DCC: variants seen among roughly 807,000 people sequenced by gnomAD.
The protein encoded by DCC is netrin receptor DCC.
In DCC, 58 loss-of-function variants were observed where a neutral mutation model predicts 172.5. The observed-to-expected ratio is 0.34, with a 90% CI of 0.27 to 0.42. The LOEUF (loss-of-function observed/expected upper bound fraction) is 0.42. Among genes scored for constraint, DCC ranks in the 10% least tolerant of loss-of-function variants. DCC has a pLI of 1.00. For synonymous variants in DCC, 709 were observed against 644.5 expected (o/e 1.10, Z -1.52); for missense variants, 1,740 against 1,791.0 (o/e 0.97, Z 0.51).
At chr18:52,404,655 GTTTTCTTTTTTT>G (rs1272827318) in intron 1 of DCC, among the ~76,000 whole-genome samples, 2 of 142,092 alleles carry the variant, frequency 1.4e-5, no homozygotes, top group Non-Finnish European at 3.0e-5. Flanking sequence ...TTTCTTTTTT[GTTTTCTTTTTTT>G]TTTTTAAATT....
At chr18:53,398,331 A>G (rs1220607012) in intron 18 of DCC, among the ~76,000 whole-genome samples, 1 of 152,140 alleles carries the variant, frequency 6.6e-6, no homozygotes, top group Non-Finnish European at 1.5e-5. Flanking sequence ...TTCTAGTGAG[A>G]ATATTTTTAC....
At chr18:53,130,036 A>G (rs2043627335) in intron 7 of DCC, among the ~76,000 whole-genome samples, 1 of 152,000 alleles carries the variant, frequency 6.6e-6, no homozygotes, top group South Asian at 2.1e-4. Flanking sequence ...CTAGTCTTAA[A>G]TTTCTTTATG....
chr18:52,415,687 A>G lies in DCC; in HGVS notation c.91+74809A>G, dbSNP rs149037181. The stretch of plus-strand genomic sequence containing the variant: ...TGCCATATTATAAAAATAGAAGTGA[A>G]CTGGCAGTGGGGAACAGCTTTTTGA... On this transcript the variant is annotated intron_variant, in intron 1 of 28. Coordinates refer to ENST00000442544, the MANE Select transcript of DCC (RefSeq NM_005215.4). Among the ~76,000 whole-genome samples the G allele has an allele frequency of 3.5e-3, 522 of 150,560 alleles. 3 individuals carry two copies. The highest frequency in any genetic ancestry group is 0.012 in the African/African-American group (486 of 41,126).
chr18:52,626,124 C>G (rs2144869454), intron 1 of DCC, among the ~76,000 whole-genome samples: 1 of 152,292 alleles, frequency 6.6e-6, no homozygotes, highest in East Asian at 1.9e-4. Flanking sequence ...TGCCCTCATC[C>G]CACATGTTTG....
At chr18:52,846,000 G>A (rs9956370) in intron 2 of DCC, among the ~76,000 whole-genome samples, 151,107 of 152,314 alleles carry the variant, frequency 0.99, 74,964 homozygotes, top group Middle Eastern at 1. Context: ...AAGGCACTGG[G>A]GTTGCCTCAG....
chr18:52,355,535 C>T (rs781019910), intron 1 of DCC, among the ~76,000 whole-genome samples: 1 of 152,158 alleles, frequency 6.6e-6, no homozygotes, highest in African/African-American at 2.4e-5. Flanking sequence ...CAAGGATTAT[C>T]ACAGTCTTTG....
At chr18:52,801,927 C>A (rs192221756) in intron 2 of DCC, among the ~76,000 whole-genome samples, 24 of 152,094 alleles carry the variant, frequency 1.6e-4, no homozygotes, top group Admixed American at 1.3e-3. Flanking sequence ...TTTAGACATG[C>A]AGAAGTTAAG....
chr18:53,477,104 G>T (rs1431619789), intron 25 of DCC, among the ~76,000 whole-genome samples: 2 of 152,148 alleles, frequency 1.3e-5, no homozygotes, highest in Non-Finnish European at 2.9e-5. Flanking sequence ...CACCTCACGG[G>T]CTCAAGCAAT....
chr18:52,848,067 G>T (rs1419102390), intron 2 of DCC, among the ~76,000 whole-genome samples: 2 of 147,908 alleles, frequency 1.4e-5, no homozygotes, highest in East Asian at 4.0e-4. Flanking sequence ...AAGGTTCATT[G>T]ATTTGACTTT....
At chr18:52,687,922 C>T (rs1010582491) in intron 1 of DCC, among the ~76,000 whole-genome samples, 6 of 152,046 alleles carry the variant, frequency 3.9e-5, no homozygotes, top group East Asian at 1.9e-4. Flanking sequence ...TTTGTTTTCA[C>T]GACCCTTCAG....
intron 5 of DCC, among the ~76,000 whole-genome samples, chr18:52,928,765 T>C (rs1384525028): frequency 6.6e-6 from 1 of 152,128 alleles, no homozygotes; most frequent in Non-Finnish European, 1.5e-5. Flanking sequence ...CAGTAAGGCA[T>C]AGGGTAAGTC....
At chr18:52,437,428 T>C (rs528531762) in intron 1 of DCC, among the ~76,000 whole-genome samples, 1 of 152,270 alleles carries the variant, frequency 6.6e-6, no homozygotes, top group East Asian at 1.9e-4. Flanking sequence ...GCCTTTCCTC[T>C]GAACAGCAGC....
chr18:53,258,769 T>A (rs1371466116), intron 12 of DCC, among the ~76,000 whole-genome samples: 1 of 152,218 alleles, frequency 6.6e-6, no homozygotes. Context: ...GATATCCTTT[T>A]TAACTTTCTG....
chr18:53,168,378 G>A (rs561877318), intron 8 of DCC, among the ~76,000 whole-genome samples: 2 of 152,046 alleles, frequency 1.3e-5, no homozygotes, highest in African/African-American at 4.8e-5. Flanking sequence ...GGAAAACCAT[G>A]CAGCCATAAA....
chr18:52,786,330 A>G (rs929908442), intron 2 of DCC, among the ~76,000 whole-genome samples: 2 of 152,056 alleles, frequency 1.3e-5, no homozygotes, highest in Non-Finnish European at 2.9e-5. Flanking sequence ...TCACCATTTG[A>G]TTACAGGAAT....
chr18:52,646,835 C>T (rs2035028323), intron 1 of DCC, among the ~76,000 whole-genome samples: 1 of 152,142 alleles, frequency 6.6e-6, no homozygotes, highest in South Asian at 2.1e-4. Flanking sequence ...AGAGCTTAAT[C>T]TCGAGCTCCC....
At chr18:52,362,783 C>T (rs940311347) in intron 1 of DCC, among the ~76,000 whole-genome samples, 2 of 151,972 alleles carry the variant, frequency 1.3e-5, no homozygotes, top group Non-Finnish European at 2.9e-5. Flanking sequence ...TCTTTTAGCC[C>T]CCCCCACTCC....
chr18:53,278,148 A>G (rs1261550387), intron 12 of DCC, among the ~76,000 whole-genome samples: 1 of 152,166 alleles, frequency 6.6e-6, no homozygotes, highest in Non-Finnish European at 1.5e-5. Flanking sequence ...AAAATTGAAC[A>G]GTATAAATTT....
At chr18:53,122,714 C>T (rs1041846944) in intron 7 of DCC, among the ~76,000 whole-genome samples, 1 of 151,970 alleles carries the variant, frequency 6.6e-6, no homozygotes, top group African/African-American at 2.4e-5. Context: ...GAGTGAATGT[C>T]ACAGGACTTC....
Sources: gnomAD v4.1 joint callset for allele counts (sites outside exome capture counted in the v4.1 genomes callset) on GRCh38, gnomAD v4.1.1 for gene constraint, MANE v1.5 for transcripts, NCBI Gene and HGNC (gene_info 2026-07-23, HGNC 2026-07-21) for gene names.